EPS8: variants seen among roughly 807,000 people sequenced by gnomAD.
The protein encoded by EPS8 is epidermal growth factor receptor kinase substrate 8.
In EPS8, 42 loss-of-function variants were observed where a neutral mutation model predicts 103.8. The observed-to-expected ratio is 0.40, with a 90% CI of 0.32 to 0.52. EPS8 has a LOEUF of 0.52. EPS8 is among the 20% of genes least tolerant of loss of function. EPS8 has a pLI of 0.40. For missense variants in EPS8, 969 were observed against 1,005.1 expected (o/e 0.96, Z 0.49); for synonymous variants, 344 against 344.6 (o/e 1.00, Z 0.02).
chr12:15,758,635 A>G (rs2136027755), intron 1 of EPS8, among the ~76,000 whole-genome samples: 1 of 152,214 alleles, frequency 6.6e-6, no homozygotes, highest in East Asian at 1.9e-4. Context: ...AACGCAACAC[A>G]TTGGCCTTGA....
In EPS8 at chr12:15,725,304, A is replaced by G. The variant is rs1351420888; in HGVS notation, c.-21-42332T>C. On this transcript the variant is annotated intron_variant, in intron 1 of 20. Transcript: ENST00000281172. The surrounding 1 kb of genome is among the most constrained non-coding windows in gnomAD (Gnocchi z 4.5). ...TGTATCACCTGAAATCACCCTCAAG[A>G]GATCTCCGGAAAAGTCATGTAGCTG... Among the ~76,000 whole-genome samples the G allele has an allele frequency of 6.6e-6, 1 of 152,014 alleles. No individual in the cohort carries two copies. Among genetic ancestry groups the G allele is most frequent in the African/African-American group, 2.4e-5 (1 of 41,376 alleles).
Position 15,771,433 on chromosome 12 carries a change from G to A in EPS8, c.-22+17728C>T, listed in dbSNP as rs1438337253. Among the ~76,000 whole-genome samples the A allele has an allele frequency of 1.3e-5, 2 of 152,190 alleles. No homozygotes were observed. Among genetic ancestry groups the A allele is most frequent in the Non-Finnish European group, 1.5e-5 (1 of 68,046 alleles). On this transcript the variant is annotated intron_variant, in intron 1 of 20. Transcript: ENST00000281172. This position sits in a 1 kb window ranked among gnomAD's most constrained non-coding sequence, Gnocchi z 4.6. Reference sequence around the variant, plus strand: ...CAGCTTTAGCAAGACTGATCTGAAAGTAGTAATTAACATGAATTGAAGTAG... The same window carrying A: ...CAGCTTTAGCAAGACTGATCTGAAAATAGTAATTAACATGAATTGAAGTAG...
At chr12:15,642,459 AT>A (rs1169229586) in intron 15 of EPS8, among the ~76,000 whole-genome samples, 1 of 152,080 alleles carries the variant, frequency 6.6e-6, no homozygotes, top group East Asian at 1.9e-4. Context: ...TATGGGCCTC[AT>A]TTTTTTAAAA....
chr12:15,784,675 A>C lies in EPS8; in HGVS notation c.-22+4486T>G, dbSNP rs1947292555. Among the ~76,000 whole-genome samples the C allele has an allele frequency of 6.6e-6, 1 of 152,176 alleles. No homozygotes were observed. The highest frequency in any genetic ancestry group is 1.5e-5 in the Non-Finnish European group (1 of 67,986). ...GATATAAGAACTTATGTCTACCCAA[A>C]AACCTGCATGTGAATATTCATAGCA... is the stretch of plus-strand genomic sequence containing the variant. On this transcript the variant is annotated intron_variant, in intron 1 of 20. Transcript: ENST00000281172. The surrounding 1 kb of genome is among the most constrained non-coding windows in gnomAD (Gnocchi z 4.0).
chr12:15,657,898 C>G (rs1945535654), intron 12 of EPS8, 181 bp downstream of exon 12: 2 of 564,560 alleles, frequency 3.5e-6, no homozygotes, highest in Non-Finnish European at 3.1e-6. Context: ...GGTGCTTAAA[C>G]TAGATGATTT....
intron 1 of EPS8, among the ~76,000 whole-genome samples, chr12:15,770,050 C>T (rs1295419734): frequency 6.6e-6 from 1 of 150,926 alleles, no homozygotes; most frequent in Non-Finnish European, 1.5e-5. Context: ...TCAAGTAATC[C>T]TCTCATATCA....
chr12:15,680,459 C>T (rs372649133), intron 3 of EPS8, among the ~76,000 whole-genome samples: 2 of 152,128 alleles, frequency 1.3e-5, no homozygotes, highest in East Asian at 1.9e-4. Flanking sequence ...ACCCCCATTA[C>T]ACAGATAAGC....
At chr12:15,663,481 T>C (rs1295229849) in intron 8 of EPS8, among the ~76,000 whole-genome samples, 1 of 152,156 alleles carries the variant, frequency 6.6e-6, no homozygotes, top group African/African-American at 2.4e-5. Flanking sequence ...CCAAACCTGA[T>C]ATAATAAGTC....
intron 1 of EPS8, among the ~76,000 whole-genome samples, chr12:15,710,066 G>A (rs1175688263): frequency 3.0e-5 from 4 of 134,818 alleles, no homozygotes; most frequent in Non-Finnish European, 4.8e-5. Context: ...GCTGCCAACC[G>A]GTACTGAACC....
chr12:15,699,579 G>A (rs1263297674), intron 1 of EPS8, among the ~76,000 whole-genome samples: 1 of 152,140 alleles, frequency 6.6e-6, no homozygotes, highest in African/African-American at 2.4e-5. Flanking sequence ...TACAACTCAA[G>A]AGAAATATAT....
rs202097537 is a variant in EPS8, at chr12:15,660,680, C to A, written c.871G>T (p.Ala291Ser). The A allele has an allele frequency of 8.9e-5, 143 of 1,611,910 alleles. No homozygotes were observed. In the East Asian group the frequency reaches 1.5e-3, roughly 17 times the overall value. The change falls in exon 10 of 21, where the codon GCA (alanine) becomes TCA (serine). Residue 291 changes from alanine to serine, a missense_variant. Physicochemically the swap from Ala to Ser is moderately conservative, Grantham distance 99. Coordinates refer to ENST00000281172, the MANE Select transcript of EPS8 (RefSeq NM_004447.6). Reference sequence around the variant, plus strand: ...TTAGAAAGCTCAGAAAATGCTTCTGCTGCTTTTTGGAGTTTTGTGATAAAA... The same window carrying A: ...TTAGAAAGCTCAGAAAATGCTTCTGATGCTTTTTGGAGTTTTGTGATAAAA... ...EFFITKLQKA[A>S]EAFSELSKRK...
At chr12:15,726,129 G>C (rs982833251) in intron 1 of EPS8, among the ~76,000 whole-genome samples, 8 of 152,192 alleles carry the variant, frequency 5.3e-5, no homozygotes, top group Non-Finnish European at 7.3e-5. Context: ...GAAAGCCTTT[G>C]TGGGGAGCTG....
intron 15 of EPS8, among the ~76,000 whole-genome samples, chr12:15,646,690 A>G (rs1013903836): frequency 6.6e-6 from 1 of 152,200 alleles, no homozygotes; most frequent in Non-Finnish European, 1.5e-5. Flanking sequence ...CTGTTTAAAT[A>G]TTTAGTTTAT....
In EPS8 at chr12:15,776,812, TACC is replaced by T. The variant is rs1947210668; in HGVS notation, c.-22+12346_-22+12348del. On this transcript the variant is annotated intron_variant, in intron 1 of 20. Coordinates refer to ENST00000281172, the MANE Select transcript of EPS8 (RefSeq NM_004447.6). The surrounding 1 kb of genome is among the most constrained non-coding windows in gnomAD (Gnocchi z 4.2). Reference sequence around the variant, plus strand: ...GCCAAACTATTTTTATATCAGATTCTACCACCACTTGTTTTCCCAATCATTTTA... The same window carrying T: ...GCCAAACTATTTTTATATCAGATTCTACCACTTGTTTTCCCAATCATTTTA... Among the ~76,000 whole-genome samples, 2 of 152,226 alleles carry T rather than the reference TACC, an allele frequency of 1.3e-5. No individual in the cohort carries two copies.
intron 1 of EPS8, chr12:15,683,359 A>C (rs73315048): frequency 0.049 from 7,535 of 154,188 alleles, 588 homozygotes; most frequent in African/African-American, 0.17. Context: ...TTTAATTTAA[A>C]AAGTTGAGAA....
intron 1 of EPS8, among the ~76,000 whole-genome samples, chr12:15,758,421 T>C (rs1347855984): frequency 6.6e-6 from 1 of 152,184 alleles, no homozygotes; most frequent in East Asian, 1.9e-4. Flanking sequence ...ACATTCCAGA[T>C]CTCTCCAATA....
intron 3 of EPS8, among the ~76,000 whole-genome samples, chr12:15,677,995 C>T (rs192862358): frequency 6.6e-6 from 1 of 152,298 alleles, no homozygotes; most frequent in African/African-American, 2.4e-5. Context: ...TACACCAAAT[C>T]ATTCAGATTC....
At chr12:15,715,766 G>A (rs1946526412) in intron 1 of EPS8, among the ~76,000 whole-genome samples, 1 of 152,060 alleles carries the variant, frequency 6.6e-6, no homozygotes, top group Non-Finnish European at 1.5e-5. Context: ...TGGGATTACA[G>A]GCGTGAGCCA....
rs1655239848 is a variant in EPS8 at position 15,717,172 on chromosome 12, G to T, written c.-21-34200C>A. Among the ~76,000 whole-genome samples, 1 of 152,148 alleles carries T rather than the reference G, an allele frequency of 6.6e-6. No individual in the cohort carries two copies. The highest frequency in any genetic ancestry group is 1.5e-5 in the Non-Finnish European group (1 of 68,014). ...AGAATCATATCTAACTACAATTATA[G>T]TCATGCAAAAGGACAAACATGCCTG... On this transcript the variant is annotated intron_variant, in intron 1 of 20. Transcript: ENST00000281172. The surrounding 1 kb of genome is among the most constrained non-coding windows in gnomAD (Gnocchi z 4.3).
Sources: gnomAD v4.1 joint callset for allele counts (sites outside exome capture counted in the v4.1 genomes callset) on GRCh38, gnomAD v4.1.1 for gene constraint, Gnocchi (gnomAD v3.1) non-coding constraint, MANE v1.5 for transcripts, NCBI Gene and HGNC (gene_info 2026-07-23, HGNC 2026-07-21) for gene names.